The following DYRK1A variants were observed in gnomAD, a reference collection of about 807,000 sequenced individuals.
DYRK1A encodes dual specificity tyrosine phosphorylation regulated kinase 1A, also known as dual specificity tyrosine-phosphorylation-regulated kinase 1A.
Under a neutral mutation model 79.7 loss-of-function variants are expected in DYRK1A, and 9 were observed. The observed-to-expected ratio is 0.11, with a 90% CI of 0.07 to 0.20. The LOEUF (loss-of-function observed/expected upper bound fraction) is 0.20, where lower values mean the gene tolerates loss of function less well. DYRK1A is among the 10% of genes least tolerant of loss of function. The pLI is 1.00. For synonymous variants in DYRK1A, 349 were observed against 329.7 expected (o/e 1.06, Z -0.63); for missense variants, 622 against 956.0 (o/e 0.65, Z 4.61).
Position 37,367,001 on chromosome 21 carries a change from TCTG to T in DYRK1A, c.-694_-692del. ...GGGTGCGGGCGCCGCCGCCGCCGCT[TCTG>T]CTGCTGCTGTTCCTGCTGCTGCTGT... On this transcript the variant is annotated 5_prime_UTR_variant, in exon 1 of 12. Coordinates refer to ENST00000647188, the MANE Select transcript of DYRK1A (RefSeq NM_001347721.2). The T allele has an allele frequency of 6.1e-5, 10 of 164,922 alleles. No individual in the cohort carries two copies. Among genetic ancestry groups the T allele is most frequent in the South Asian group, 1.3e-4 (1 of 7,920 alleles). 10.2% of individuals were successfully genotyped at this position (164,922 alleles called of 1,614,324 possible).
intron 6 of DYRK1A, chr21:37,488,841 C>CA (rs1332684233): frequency 5.1e-6 from 5 of 985,160 alleles, no homozygotes; most frequent in African/African-American, 1.7e-5. Flanking sequence ...GATTAAAAGC[C>CA]ATCCACAGAC....
intron 1 of DYRK1A, among the ~76,000 whole-genome samples, chr21:37,373,206 G>A (rs1365089730): frequency 6.6e-6 from 1 of 152,090 alleles, no homozygotes; most frequent in Non-Finnish European, 1.5e-5. Context: ...AGATAGCACC[G>A]GCTGCCCTGC....
intron 4 of DYRK1A, among the ~76,000 whole-genome samples, chr21:37,479,003 A>ATT (rs886686562): frequency 6.6e-6 from 1 of 152,228 alleles, no homozygotes; most frequent in African/African-American, 2.4e-5. Context: ...TCCAAAGTTA[A>ATT]TTATTAAAGG....
chr21:37,395,243 A>G (rs375782849), intron 1 of DYRK1A, among the ~76,000 whole-genome samples: 31 of 152,046 alleles, frequency 2.0e-4, no homozygotes, highest in African/African-American at 6.7e-4. Flanking sequence ...GTTTAACCTA[A>G]CTAGGCTAAC....
At chr21:37,438,335 A>G (rs1203755601) in intron 2 of DYRK1A, among the ~76,000 whole-genome samples, 2 of 151,906 alleles carry the variant, frequency 1.3e-5, no homozygotes, top group African/African-American at 4.8e-5. Context: ...TAATTTATTC[A>G]TTTGTTCTTT....
intron 7 of DYRK1A, 28 bp from the exon 8 acceptor site, chr21:37,492,989 A>G: frequency 6.4e-7 from 1 of 1,555,144 alleles, no homozygotes; most frequent in Middle Eastern, 1.7e-4. Flanking sequence ...AAGCAATTGA[A>G]GTAATACTAT....
intron 2 of DYRK1A, among the ~76,000 whole-genome samples, chr21:37,446,030 C>T (rs2051258782): frequency 1.3e-5 from 2 of 152,182 alleles, no homozygotes; most frequent in East Asian, 1.9e-4. Context: ...GGAAGAGCAT[C>T]CCTGCTTCTA....
chr21:37,495,198 GTGTGGTTAT>G (rs1372051106), intron 8 of DYRK1A, among the ~76,000 whole-genome samples: 1 of 123,756 alleles, frequency 8.1e-6, no homozygotes, highest in East Asian at 2.8e-4. Flanking sequence ...GTGTGTGTGT[GTGTGGTTAT>G]TTAACATGCT....
chr21:37,445,727 A>G (rs1179431866), intron 2 of DYRK1A, among the ~76,000 whole-genome samples: 1 of 152,194 alleles, frequency 6.6e-6, no homozygotes, highest in Non-Finnish European at 1.5e-5. Context: ...GGAGTACAGT[A>G]GTAACAGTTT....
chr21:37,367,973 AT>A (rs997859116), intron 1 of DYRK1A: 1 of 163,044 alleles, frequency 6.1e-6, no homozygotes, highest in African/African-American at 2.4e-5. Flanking sequence ...CTTCCTCCTC[AT>A]CCTCTTCCCC....
chr21:37,421,895 G>C (rs1336704372), intron 2 of DYRK1A: 1 of 152,000 alleles, frequency 6.6e-6, no homozygotes, highest in Non-Finnish European at 1.5e-5. Context: ...TATTTTTGGG[G>C]TATCTCATAG....
At chr21:37,462,954 A>G (rs2051893469) in intron 2 of DYRK1A, among the ~76,000 whole-genome samples, 1 of 152,236 alleles carries the variant, frequency 6.6e-6, no homozygotes, top group Admixed American at 6.5e-5. Flanking sequence ...CAGGTACTCT[A>G]CAAAGGTCAT....
chr21:37,472,023 C>T (rs2148554959), intron 2 of DYRK1A, among the ~76,000 whole-genome samples: 1 of 152,268 alleles, frequency 6.6e-6, no homozygotes, highest in South Asian at 2.1e-4. Flanking sequence ...CATGGTTCAT[C>T]CTACCCGTAG....
At position 37,515,325 on chromosome 21, in the gene DYRK1A, A is replaced by G. The variant is rs2053867018; in HGVS notation, c.*2794A>G. On this transcript the variant is annotated 3_prime_UTR_variant, in exon 12 of 12. Transcript: ENST00000647188. ...GTAAAAAGGAAACTATTTGAGATAC[A>G]TTGACATAGGCATCAGCAATCTCTG... The G allele has an allele frequency of 6.5e-6, 1 of 152,690 alleles. No homozygotes were observed. The highest frequency in any genetic ancestry group is 1.9e-4 in the East Asian group (1 of 5,206). 9.5% of individuals were successfully genotyped at this position (152,690 alleles called of 1,614,324 possible). A position where few individuals can be genotyped will look rare whatever the true frequency, so the allele number is the denominator to read the frequency against.
intron 2 of DYRK1A, among the ~76,000 whole-genome samples, chr21:37,450,519 A>G (rs970984389): frequency 6.6e-6 from 1 of 152,216 alleles, no homozygotes; most frequent in Admixed American, 6.5e-5. Flanking sequence ...ATAAATATTT[A>G]GTAAGTGCCT....
At chr21:37,368,636 G>A (rs1237009227) in intron 1 of DYRK1A, among the ~76,000 whole-genome samples, 1 of 152,120 alleles carries the variant, frequency 6.6e-6, no homozygotes, top group African/African-American at 2.4e-5. Flanking sequence ...GGTTTTCAGT[G>A]GATCGACCAG....
At chr21:37,454,515 CA>C (rs1417188371) in intron 2 of DYRK1A, among the ~76,000 whole-genome samples, 2 of 152,162 alleles carry the variant, frequency 1.3e-5, no homozygotes, top group Non-Finnish European at 2.9e-5. Context: ...AAAAGTGAAG[CA>C]ATGAAATGTA....
intron 1 of DYRK1A, among the ~76,000 whole-genome samples, chr21:37,411,239 C>G (rs544744731): frequency 6.6e-6 from 1 of 151,488 alleles, no homozygotes; most frequent in Non-Finnish European, 1.5e-5. Flanking sequence ...GCATATAATC[C>G]CAGCTACTCA....
chr21:37,488,582 CA>C, intron 6 of DYRK1A: 2 of 985,288 alleles, frequency 2.0e-6, no homozygotes, highest in Non-Finnish European at 2.4e-6. Context: ...CCATTCTCCC[CA>C]AAATTTGGTT....
Sources: gnomAD v4.1 joint callset for allele counts (sites outside exome capture counted in the v4.1 genomes callset) on GRCh38, gnomAD v4.1.1 for gene constraint, MANE v1.5 for transcripts, NCBI Gene and HGNC (gene_info 2026-07-23, HGNC 2026-07-21) for gene names.